The following FAH variants were observed in gnomAD, a reference collection of about 807,000 sequenced individuals.
FAH encodes the protein fumarylacetoacetate hydrolase, also known as fumarylacetoacetase.
In FAH, 47 loss-of-function variants were observed where a neutral mutation model predicts 55.8. That is an observed-to-expected ratio of 0.84 (90% CI 0.67 to 1.07). The LOEUF (loss-of-function observed/expected upper bound fraction) is 1.07, where lower values mean the gene tolerates loss of function less well. Among genes scored for constraint, FAH ranks in the 50% least tolerant of loss-of-function variants. FAH has a pLI of 0.00. For missense variants in FAH, 495 were observed against 545.9 expected, an observed-to-expected ratio of 0.91 and a Z score of 0.93; for synonymous variants, 199 against 207.7, an observed-to-expected ratio of 0.96 and a Z score of 0.36.
chr15:80,160,502 G>A lies in FAH; in HGVS notation c.364+43G>A, dbSNP rs146263676. On this transcript the variant is annotated intron_variant, in intron 4 of 13. Transcript: ENST00000561421. The stretch of plus-strand genomic sequence containing the variant: ...ACCAAGATAAGAACGGAGCAGCTTC[G>A]TGGGCCAAGAGGGCTGGCCAGGTGC... 5,731 of 1,598,512 alleles carry A rather than the reference G, an allele frequency of 3.6e-3. 18 individuals are homozygous for A. The highest frequency in any genetic ancestry group is 4.5e-3 in the Non-Finnish European group (5,201 of 1,165,892).
intron 6 of FAH, 30 bp from the exon 7 acceptor site, chr15:80,168,234 G>GTTTT: frequency 1.3e-6 from 2 of 1,491,160 alleles, no homozygotes; most frequent in Admixed American, 1.8e-5. Context: ...TCACAGCACC[G>GTTTT]TTTTTTTTTT....
chr15:80,153,213 G>GAGTGGAGTGGAGTGGAGTGGAGTGT, intron 1 of FAH, 78 bp downstream of exon 1: 1 of 1,149,270 alleles, frequency 8.7e-7, no homozygotes, highest in Non-Finnish European at 1.3e-6. Flanking sequence ...GAGTGGAGTG[G>GAGTGGAGTGGAGTGGAGTGGAGTGT]AATGGAGTGG....
Position 80,177,519 on chromosome 15 carries a change from T to G in FAH, c.914-18T>G, listed in dbSNP as rs2041294284. On this transcript the variant is annotated intron_variant, in intron 10 of 13. Coordinates refer to ENST00000561421, the MANE Select transcript of FAH (RefSeq NM_000137.4). ...CATGGAATTAAGTTTTCATCAATATTGCTTTTCTTTCCAACAGGAGAAGGA... is the reference window on the plus strand; with the variant it reads ...CATGGAATTAAGTTTTCATCAATATGGCTTTTCTTTCCAACAGGAGAAGGA... 6.2e-7 allele frequency: 1 copy of G among 1,611,716 alleles called. No individual in the cohort carries two copies. Among genetic ancestry groups the G allele is most frequent in the Non-Finnish European group, 8.5e-7 (1 of 1,177,892 alleles).
In FAH at chr15:80,181,063, A is replaced by G. The variant is rs371659518; in HGVS notation, c.1084A>G (p.Met362Val). 5 of 1,613,484 alleles carry G rather than the reference A, an allele frequency of 3.1e-6. No homozygotes were observed. Among genetic ancestry groups the G allele is most frequent in the Admixed American group, 3.3e-5 (2 of 59,992 alleles). Residue 362 changes from methionine to valine, a missense_variant, in exon 13 of 14, where the codon ATG becomes GTG. Met to Val is a conservative substitution (Grantham distance 21, BLOSUM62 1). Transcript: ENST00000561421. ...SGPEPENFGS[M>V]LELSWKGTKP... The stretch of plus-strand genomic sequence containing the variant: ...GAAGGAGCCAGAAAACTTCGGCTCC[A>G]TGTTGGAACTGTCGTGGAAGGGAAC...
intron 5 of FAH, among the ~76,000 whole-genome samples, chr15:80,167,622 C>G (rs528708271): frequency 2.7e-5 from 4 of 150,298 alleles, no homozygotes; most frequent in African/African-American, 9.8e-5. Context: ...ACCTCCACCT[C>G]TCAGGTTCAA....
intron 5 of FAH, 172 bp downstream of exon 5, chr15:80,162,508 C>G (rs1394982189): frequency 1.4e-6 from 1 of 692,940 alleles, no homozygotes; most frequent in Admixed American, 2.1e-5. Flanking sequence ...TCCTGCTCAG[C>G]TTGGCTTAGG....
At chr15:80,172,531 G>A (rs774713193) in intron 8 of FAH, among the ~76,000 whole-genome samples, 14 of 151,952 alleles carry the variant, frequency 9.2e-5, no homozygotes, top group Non-Finnish European at 1.9e-4. Flanking sequence ...AACACCCTTC[G>A]TATATTCTCC....
chr15:80,163,699 A>C (rs1022584081), intron 5 of FAH: 7 of 152,254 alleles, frequency 4.6e-5, no homozygotes, highest in African/African-American at 1.7e-4. Flanking sequence ...CAAACACTAC[A>C]GAAAATATGT....
At position 80,180,954 on chromosome 15, in the gene FAH, C is replaced by T. The variant is rs778795091; in HGVS notation, c.1063-88C>T. 3.0e-4 allele frequency: 326 copies of T among 1,099,702 alleles called. 4 individuals are homozygous for T. The highest frequency in any genetic ancestry group is 1.7e-4 in the African/African-American group (11 of 64,766). The allele number at this position is 1,099,702 out of a possible 1,614,324, so 68.1% of individuals were successfully genotyped here. On this transcript the variant is annotated intron_variant, in intron 12 of 13. Coordinates refer to ENST00000561421, the MANE Select transcript of FAH (RefSeq NM_000137.4). ...GGCATGAGGGCCCCCTGCCACTTCT[C>T]GGGACTCCCAGGTCTTGCTGAGCAT...
chr15:80,155,826 G>A (rs747551281), intron 1 of FAH: 48 of 453,642 alleles, frequency 1.1e-4, no homozygotes, highest in Admixed American at 2.6e-4. Context: ...AGCAGAGAGG[G>A]AAGGCAGCAT....
chr15:80,164,938 C>T (rs910036276), intron 5 of FAH, among the ~76,000 whole-genome samples: 2 of 152,162 alleles, frequency 1.3e-5, no homozygotes, highest in Admixed American at 6.5e-5. Flanking sequence ...GTTAACAAAA[C>T]GAGGGCATGC....
intron 1 of FAH, chr15:80,157,577 C>T: frequency 4.5e-6 from 1 of 221,470 alleles, no homozygotes. Flanking sequence ...ATTTGAGCTA[C>T]AACAGAGCTC....
At chr15:80,174,253 C>T (rs2041264585) in intron 9 of FAH, among the ~76,000 whole-genome samples, 1 of 152,166 alleles carries the variant, frequency 6.6e-6, no homozygotes, top group South Asian at 2.1e-4. Flanking sequence ...CAGTCATCTG[C>T]CTTCTTCCGG....
intron 9 of FAH, 52 bp downstream of exon 9, chr15:80,173,196 G>A (rs768365785): frequency 1.9e-6 from 3 of 1,613,574 alleles, no homozygotes; most frequent in South Asian, 2.2e-5. Flanking sequence ...CTGCCTCTGA[G>A]GCTGCTTGCC....
At chr15:80,178,741 G>A (rs1021202939) in intron 11 of FAH, among the ~76,000 whole-genome samples, 7 of 151,506 alleles carry the variant, frequency 4.6e-5, no homozygotes, top group Non-Finnish European at 1.5e-5. Flanking sequence ...CCGCCACCAC[G>A]CCCGGCTAAT....
At chr15:80,169,439 G>A (rs993101993) in intron 7 of FAH, among the ~76,000 whole-genome samples, 3 of 152,162 alleles carry the variant, frequency 2.0e-5, no homozygotes, top group African/African-American at 4.8e-5. Context: ...AGTGACAAGA[G>A]TCAAGTGTAT....
chr15:80,168,243 T>C, intron 6 of FAH, 21 bp from the exon 7 acceptor site: 9 of 1,611,078 alleles, frequency 5.6e-6, no homozygotes, highest in Non-Finnish European at 7.6e-6. Flanking sequence ...CGTTTTTTTT[T>C]TTTTTCTGGT....
chr15:80,159,720 T>G (rs200373686), intron 2 of FAH, 36 bp from the exon 3 acceptor site: 3 of 1,614,114 alleles, frequency 1.9e-6, no homozygotes, highest in Admixed American at 1.7e-5. Flanking sequence ...TGGGTTTTCC[T>G]GTACGTGATC....
intron 5 of FAH, among the ~76,000 whole-genome samples, chr15:80,164,255 G>T (rs1357651828): frequency 1.3e-5 from 2 of 152,112 alleles, no homozygotes; most frequent in Non-Finnish European, 2.9e-5. Context: ...AGCTTTAGAG[G>T]TTGCCTGTAT....
Sources: allele counts gnomAD v4.1 joint callset (sites outside exome capture counted in the v4.1 genomes callset), GRCh38; gene constraint gnomAD v4.1.1; transcripts MANE v1.5; gene names NCBI Gene and HGNC (gene_info 2026-07-23, HGNC 2026-07-21).